Variants in RPGRIP1L observed in about 807,000 individuals in gnomAD.
RPGRIP1L encodes RPGRIP1 like.
A neutral mutation model predicts 160.4 loss-of-function variants in RPGRIP1L; 131 were observed. That is an observed-to-expected ratio of 0.82 (90% CI 0.71 to 0.94). The LOEUF is 0.94. Among genes scored for constraint, RPGRIP1L ranks in the 40% least tolerant of loss-of-function variants. RPGRIP1L has a pLI of 0.00. For missense variants in RPGRIP1L, 1,522 were observed against 1,535.8 expected (o/e 0.99, Z 0.15); for synonymous variants, 510 against 515.8 (o/e 0.99, Z 0.15).
chr16:53,648,926 CTA>C (rs1315626875), intron 16 of RPGRIP1L, 36 bp downstream of exon 16: 1 of 1,567,744 alleles, frequency 6.4e-7, no homozygotes, highest in Non-Finnish European at 8.8e-7. Context: ...TATAAAATTT[CTA>C]TGTCATAAAA....
Position 53,621,833 on chromosome 16 carries a change from T to G in RPGRIP1L, c.3432+386A>C, listed in dbSNP as rs113439160. Among the ~76,000 whole-genome samples the G allele has an allele frequency of 1.4e-4, 19 of 139,822 alleles. No individual in the cohort carries two copies. In the East Asian group the frequency reaches 2.2e-3, roughly 16 times the overall value. The allele number at this position is 139,822 out of a possible 152,430, so 91.7% of individuals were successfully genotyped here. A position where few individuals can be genotyped will look rare whatever the true frequency, so the allele number is the denominator to read the frequency against. On this transcript the variant is annotated intron_variant, in intron 23 of 26. Coordinates refer to ENST00000647211, the MANE Select transcript of RPGRIP1L (RefSeq NM_015272.5). Reference sequence around the variant, plus strand: ...GTCAGGAGATCGAGACCATCCTGGCTAAATATGGTGAAACCCCGTCTCTAC... The same window carrying G: ...GTCAGGAGATCGAGACCATCCTGGCGAAATATGGTGAAACCCCGTCTCTAC...
At chr16:53,644,680 G>T (rs575262856) in intron 17 of RPGRIP1L, among the ~76,000 whole-genome samples, 1 of 152,270 alleles carries the variant, frequency 6.6e-6, no homozygotes, top group South Asian at 2.1e-4. Flanking sequence ...TCAAAGTGCA[G>T]AAAGTTAAAA....
At chr16:53,609,492 T>C (rs1212356903) in intron 25 of RPGRIP1L, among the ~76,000 whole-genome samples, 1 of 138,882 alleles carries the variant, frequency 7.2e-6, no homozygotes, top group East Asian at 2.3e-4. Context: ...TTAAATTTTT[T>C]AAATAAACAC....
intron 6 of RPGRIP1L, among the ~76,000 whole-genome samples, chr16:53,683,317 A>C (rs1969742028): frequency 6.6e-6 from 1 of 152,286 alleles, no homozygotes; most frequent in Admixed American, 6.5e-5. Flanking sequence ...AATCCAGGGA[A>C]ATAAAAGAGA....
chr16:53,687,812 GAC>G, intron 5 of RPGRIP1L, 49 bp downstream of exon 5: 1 of 1,062,994 alleles, frequency 9.4e-7, no homozygotes. Flanking sequence ...AAAAAAAAAA[GAC>G]ATTATCAATA....
chr16:53,651,834 A>C (rs1000551437), intron 15 of RPGRIP1L, among the ~76,000 whole-genome samples: 1 of 152,116 alleles, frequency 6.6e-6, no homozygotes, highest in Non-Finnish European at 1.5e-5. Flanking sequence ...TAACAGTGAT[A>C]ACATAAGGTC....
At chr16:53,656,299 A>G (rs993461541) in intron 14 of RPGRIP1L, among the ~76,000 whole-genome samples, 173 bp downstream of exon 14, 3 of 152,178 alleles carry the variant, frequency 2.0e-5, no homozygotes, top group African/African-American at 7.2e-5. Flanking sequence ...AAAAATTAAA[A>G]ATTAGGAATA....
intron 22 of RPGRIP1L, among the ~76,000 whole-genome samples, chr16:53,627,255 A>G (rs1410282773): frequency 6.6e-6 from 1 of 152,212 alleles, no homozygotes; most frequent in Non-Finnish European, 1.5e-5. Context: ...CCTATGATAA[A>G]GGTCTTGCAA....
rs2151379187 is a variant in RPGRIP1L, at chr16:53,696,183, C to T, written c.198G>A (p.Gln66=). Residue 66 remains glutamine (Q), a synonymous_variant, in exon 3 of 27, where the codon CAG becomes CAA. Transcript: ENST00000647211. ...TTTTATCCTCCTGCTTGCGGGCATGCTGTTTAAGTAAAATGTTCTCATCAT... is the reference window on the plus strand; with the variant it reads ...TTTTATCCTCCTGCTTGCGGGCATGTTGTTTAAGTAAAATGTTCTCATCAT... ...RLHDENILLK[Q]HARKQEDKIK... 6.2e-6 allele frequency: 10 copies of T among 1,613,956 alleles called. No homozygotes were observed. The highest frequency in any genetic ancestry group is 8.5e-6 in the Non-Finnish European group (10 of 1,179,950).
intron 26 of RPGRIP1L, chr16:53,605,264 T>G (rs1364698913): frequency 2.0e-5 from 12 of 607,242 alleles, no homozygotes; most frequent in Non-Finnish European, 5.9e-6. Context: ...AATTAATTAT[T>G]TTACAATTGC....
At chr16:53,668,729 C>T (rs1017497155) in intron 9 of RPGRIP1L, among the ~76,000 whole-genome samples, 2 of 152,190 alleles carry the variant, frequency 1.3e-5, no homozygotes, top group African/African-American at 4.8e-5. Context: ...TACTGTATTA[C>T]ATACCACAGT....
At chr16:53,655,802 T>TA (rs1428907752) in intron 14 of RPGRIP1L, among the ~76,000 whole-genome samples, 1 of 152,196 alleles carries the variant, frequency 6.6e-6, no homozygotes, top group African/African-American at 2.4e-5. Flanking sequence ...TGCTAAAGTC[T>TA]AAAAATCACT....
At chr16:53,665,519 T>C (rs970444592) in intron 9 of RPGRIP1L, among the ~76,000 whole-genome samples, 1 of 152,020 alleles carries the variant, frequency 6.6e-6, no homozygotes, top group African/African-American at 2.4e-5. Context: ...ACCTCCGATA[T>C]TGATTAAGAA....
At chr16:53,658,693 T>C in intron 11 of RPGRIP1L, 79 bp downstream of exon 11, 2 of 985,014 alleles carry the variant, frequency 2.0e-6, no homozygotes, top group Non-Finnish European at 3.1e-6. Flanking sequence ...TTTCGCTTTG[T>C]AGTATAGTGC....
At chr16:53,635,923 T>C (rs1965808273) in intron 22 of RPGRIP1L, among the ~76,000 whole-genome samples, 1 of 152,222 alleles carries the variant, frequency 6.6e-6, no homozygotes, top group African/African-American at 2.4e-5. Context: ...TTTTCAGCCA[T>C]GTGCTCTAAG....
At chr16:53,607,419 A>G (rs994189319) in intron 25 of RPGRIP1L, among the ~76,000 whole-genome samples, 2 of 152,228 alleles carry the variant, frequency 1.3e-5, no homozygotes, top group Non-Finnish European at 2.9e-5. Context: ...TACATTGACT[A>G]TATCATTCAA....
rs386833997 is a variant in RPGRIP1L at position 53,652,858 on chromosome 16, T to A, written c.1829A>T (p.His610Leu). The A allele has an allele frequency of 6.2e-7, 1 of 1,613,034 alleles. No individual in the cohort carries two copies. The highest frequency in any genetic ancestry group is 8.5e-7 in the Non-Finnish European group (1 of 1,179,596). Reference sequence around the variant, plus strand: ...AGAAGAAAAGGTTACTTTGTTGATATGGATTTCAAATAGATTTTCGCCTCG... The same window carrying A: ...AGAAGAAAAGGTTACTTTGTTGATAAGGATTTCAAATAGATTTTCGCCTCG... ...LERGENLFEI[H>L]INKVTFSSEV... Residue 610 changes from histidine to leucine, a missense_variant, in exon 15 of 27, where the codon CAT becomes CTT. Coordinates refer to ENST00000647211, the MANE Select transcript of RPGRIP1L (RefSeq NM_015272.5).
chr16:53,703,750 G>C (rs867631345), intron 1 of RPGRIP1L, 53 bp downstream of exon 1: 1 of 303,418 alleles, frequency 3.3e-6, no homozygotes, highest in South Asian at 3.2e-5. Context: ...GCAGTGGGGA[G>C]GGTCAGCAAC....
intron 22 of RPGRIP1L, among the ~76,000 whole-genome samples, chr16:53,636,148 G>T (rs1200266487): frequency 1.3e-5 from 2 of 152,156 alleles, no homozygotes; most frequent in Admixed American, 1.3e-4. Flanking sequence ...TGGTATGCTA[G>T]TCTTGAAAAG....
Sources: gnomAD v4.1 joint callset for allele counts (sites outside exome capture counted in the v4.1 genomes callset) on GRCh38, gnomAD v4.1.1 for gene constraint, MANE v1.5 for transcripts, NCBI Gene and HGNC (gene_info 2026-07-23, HGNC 2026-07-21) for gene names.